The following POLR1A variants were observed in gnomAD, a reference collection of about 807,000 sequenced individuals.
The protein encoded by POLR1A is RNA polymerase I subunit A.
In POLR1A, 84 loss-of-function variants were observed where a neutral mutation model predicts 205.3. The ratio of observed to expected loss-of-function variants is 0.41; its 90% confidence interval spans 0.34 to 0.49. The LOEUF is 0.49. Among genes scored for constraint, POLR1A ranks in the 20% least tolerant of loss-of-function variants. The probability of loss-of-function intolerance (pLI) is 0.22; values close to 1 mark genes in which losing one functional copy is unlikely to be tolerated. For missense variants in POLR1A, 1,645 were observed against 2,204.5 expected (o/e 0.75, Z 5.08); for synonymous variants, 799 against 863.7 (o/e 0.93, Z 1.31).
Position 86,031,094 on chromosome 2 carries a change from C to T in POLR1A, c.4578+236G>A, listed in dbSNP as rs376365341. 9.2e-5 allele frequency among the ~76,000 whole-genome samples: 14 copies of T among 152,242 alleles called. No homozygotes were observed. In the South Asian group the frequency reaches 1.0e-3, roughly 11 times the overall value. ...AAAATGACACGTGTGGGCCCTTTTTCGGGGCAGAGGGTTTATAGCCATCAC... is the reference window on the plus strand; with the variant it reads ...AAAATGACACGTGTGGGCCCTTTTTTGGGGCAGAGGGTTTATAGCCATCAC... On this transcript the variant is annotated intron_variant, in intron 30 of 33. Transcript: ENST00000263857.
At chr2:86,105,636 A>G in intron 1 of POLR1A, 64 bp downstream of exon 1, 1 of 1,106,588 alleles carries the variant, frequency 9.0e-7, no homozygotes, top group Non-Finnish European at 1.4e-6. Flanking sequence ...CGCTTCTGGG[A>G]ATCGTAGTTT....
intron 6 of POLR1A, among the ~76,000 whole-genome samples, chr2:86,087,613 G>A (rs1267177953): frequency 6.6e-6 from 1 of 152,206 alleles, no homozygotes; most frequent in Non-Finnish European, 1.5e-5. Context: ...CACGATCTCA[G>A]CTCACTGCAG....
At chr2:86,037,628 A>C (rs186359703) in intron 27 of POLR1A, among the ~76,000 whole-genome samples, 185 of 152,364 alleles carry the variant, frequency 1.2e-3, no homozygotes, top group African/African-American at 4.2e-3. Flanking sequence ...AAGACCAAGA[A>C]CTGGTCTAGA....
In POLR1A at chr2:86,068,395, G is replaced by C. The variant is rs1294640012; in HGVS notation, c.1866+1623C>G. ...CAGCCAAGCACATGGGCGGGGGGGG[G>C]GGGCGGGTGTCGTCCAAAGCTGCTG... On this transcript the variant is annotated intron_variant, in intron 13 of 33. Transcript: ENST00000263857. 8.9e-5 allele frequency among the ~76,000 whole-genome samples: 10 copies of C among 112,758 alleles called. 1 individual carries two copies. The highest frequency in any genetic ancestry group is 3.4e-4 in the African/African-American group (10 of 29,064). 74.0% of individuals were successfully genotyped at this position (112,758 alleles called of 152,430 possible). A position where few individuals can be genotyped will look rare whatever the true frequency, so the allele number is the denominator to read the frequency against.
At chr2:86,064,427 T>C (rs2104407992) in intron 14 of POLR1A, among the ~76,000 whole-genome samples, 1 of 152,286 alleles carries the variant, frequency 6.6e-6, no homozygotes, top group South Asian at 2.1e-4. Flanking sequence ...TTTCATTATT[T>C]GGTCGCCACA....
chr2:86,093,188 G>C (rs1379806154), intron 3 of POLR1A, among the ~76,000 whole-genome samples: 1 of 152,122 alleles, frequency 6.6e-6, no homozygotes, highest in Non-Finnish European at 1.5e-5. Flanking sequence ...GAATACAAAG[G>C]AGCTTCCTTA....
intron 13 of POLR1A, chr2:86,065,722 TC>T (rs1422335433): frequency 4.8e-6 from 2 of 415,906 alleles, no homozygotes; most frequent in Middle Eastern, 6.2e-4. Context: ...CTCATCCCGT[TC>T]CCCCGGCCTT....
chr2:86,087,583 C>T (rs1673525010), intron 6 of POLR1A, among the ~76,000 whole-genome samples: 2 of 152,340 alleles, frequency 1.3e-5, no homozygotes, highest in South Asian at 4.1e-4. Context: ...TGCTCTGTCA[C>T]CCAGACTGGA....
chr2:86,058,710 T>C (rs952365527), intron 14 of POLR1A, among the ~76,000 whole-genome samples: 9 of 152,068 alleles, frequency 5.9e-5, no homozygotes, highest in Admixed American at 3.9e-4. Context: ...TTATTATTTA[T>C]ACTAAGCCTG....
intron 19 of POLR1A, 142 bp from the exon 20 acceptor site, chr2:86,045,911 A>C: frequency 1.5e-6 from 1 of 662,610 alleles, no homozygotes; most frequent in Non-Finnish European, 2.6e-6. Flanking sequence ...ACATTTCTAA[A>C]CAAACCAGGA....
chr2:86,072,212 G>A (rs72847865), intron 12 of POLR1A, among the ~76,000 whole-genome samples: 6,786 of 152,228 alleles, frequency 0.045, 178 homozygotes, highest in Middle Eastern at 0.082. Context: ...TTTTGCTCCC[G>A]AAGGAATTCA....
chr2:86,033,894 C>T (rs1672447483), intron 27 of POLR1A, 107 bp from the exon 28 acceptor site: 25 of 1,371,002 alleles, frequency 1.8e-5, no homozygotes, highest in Admixed American at 5.8e-5. Flanking sequence ...GATCAGTGCA[C>T]GAGATGGAGG....
chr2:86,077,811 GCACACACACACACACACACACACACA>G, intron 11 of POLR1A, 22 bp downstream of exon 11: 2 of 186,780 alleles, frequency 1.1e-5, no homozygotes, highest in East Asian at 5.6e-5. Context: ...ACGCGCGCGC[GCACACACACACACACACACACACACA>G]CACACACACA....
chr2:86,071,142 G>GA (rs1178800379), intron 12 of POLR1A, among the ~76,000 whole-genome samples: 13 of 98,972 alleles, frequency 1.3e-4, no homozygotes, highest in East Asian at 8.5e-4. Context: ...TTACAGCAAA[G>GA]AAAAAAAAAA....
At chr2:86,063,478 A>C (rs1312450784) in intron 14 of POLR1A, among the ~76,000 whole-genome samples, 3 of 152,132 alleles carry the variant, frequency 2.0e-5, no homozygotes, top group Admixed American at 6.5e-5. Context: ...TCTTACAGAA[A>C]ACCAGAGGAA....
intron 9 of POLR1A, among the ~76,000 whole-genome samples, chr2:86,079,961 G>GTC (rs1673366554): frequency 1.3e-5 from 2 of 152,286 alleles, no homozygotes; most frequent in Non-Finnish European, 2.9e-5. Flanking sequence ...CATGGCTGAT[G>GTC]TCTTTTACAC....
chr2:86,049,186 C>T lies in POLR1A; in HGVS notation c.2449G>A (p.Glu817Lys). The change falls in exon 17 of 34, where the codon GAA (glutamate) becomes AAA (lysine). Residue 817 changes from glutamate to lysine, a missense_variant. Coordinates refer to ENST00000263857, the MANE Select transcript of POLR1A (RefSeq NM_015425.6). ...TGGGGCCCGCAGTGGGTGGATTCTT[C>T]AATGATACGTTGCCTCTTGACATCT... The part of the protein sequence containing the change: ...KADVKRQRII[E>K]ESTHCGPQAV... 1 of 1,614,052 alleles carries T rather than the reference C, an allele frequency of 6.2e-7. No homozygotes were observed. The highest frequency in any genetic ancestry group is 8.5e-7 in the Non-Finnish European group (1 of 1,179,888).
At chr2:86,073,287 TAA>T (rs1673213198) in intron 12 of POLR1A, among the ~76,000 whole-genome samples, 2 of 151,792 alleles carry the variant, frequency 1.3e-5, no homozygotes, top group African/African-American at 4.8e-5. Context: ...CTTCTGTAAA[TAA>T]AGTTTGATTG....
chr2:86,061,334 C>G (rs190364262), intron 14 of POLR1A, among the ~76,000 whole-genome samples: 3 of 152,172 alleles, frequency 2.0e-5, no homozygotes, highest in Admixed American at 2.0e-4. Flanking sequence ...GTAATCCCAG[C>G]TACTCGAGAG....
Sources: allele counts gnomAD v4.1 joint callset (sites outside exome capture counted in the v4.1 genomes callset), GRCh38; gene constraint gnomAD v4.1.1; transcripts MANE v1.5; gene names NCBI Gene and HGNC (gene_info 2026-07-23, HGNC 2026-07-21).